Variants in DLGAP2 observed in about 807,000 individuals in gnomAD.
DLGAP2 encodes DLG associated protein 2.
Under a neutral mutation model 100.3 loss-of-function variants are expected in DLGAP2, and 26 were observed. The ratio of observed to expected loss-of-function variants is 0.26; its 90% CI spans 0.19 to 0.36. The LOEUF (loss-of-function observed/expected upper bound fraction) is 0.36, where lower values mean the gene tolerates loss of function less well. Ranked by LOEUF, DLGAP2 falls within the 10% of genes least tolerant of loss-of-function variation. The pLI is 1.00. For missense variants in DLGAP2, 1,858 were observed against 1,453.2 expected, an observed-to-expected ratio of 1.28 and a Z score of -4.53; for synonymous variants, 886 against 630.1, an observed-to-expected ratio of 1.41 and a Z score of -6.08.
intron 2 of DLGAP2, among the ~76,000 whole-genome samples, chr8:1,192,828 C>G (rs901675494): frequency 3.9e-5 from 6 of 151,964 alleles, no homozygotes; most frequent in African/African-American, 9.7e-5. Context: ...CCCACTCCCC[C>G]CACCCCACAA....
chr8:1,625,404 C>G (rs1212725198), intron 6 of DLGAP2, among the ~76,000 whole-genome samples: 3 of 152,198 alleles, frequency 2.0e-5, no homozygotes, highest in Non-Finnish European at 4.4e-5. Context: ...CAGGGTTCTT[C>G]CATGCTTTTA....
At chr8:1,279,510 T>C (rs1563058144) in intron 3 of DLGAP2, among the ~76,000 whole-genome samples, 2 of 152,228 alleles carry the variant, frequency 1.3e-5, no homozygotes, top group Non-Finnish European at 2.9e-5. Flanking sequence ...ATTGCAATTC[T>C]AGATGTATTA....
chr8:1,291,785 T>C (rs567486461), intron 3 of DLGAP2, among the ~76,000 whole-genome samples: 2 of 152,246 alleles, frequency 1.3e-5, no homozygotes, highest in South Asian at 4.1e-4. Context: ...GGGCCAGTTT[T>C]CATCATACGA....
intron 3 of DLGAP2, among the ~76,000 whole-genome samples, chr8:1,282,953 G>T (rs1298951800): frequency 3.5e-5 from 4 of 114,052 alleles, no homozygotes; most frequent in Admixed American, 1.0e-4. Context: ...TGAACCCAGC[G>T]CCCTGAACCA....
intron 6 of DLGAP2, among the ~76,000 whole-genome samples, chr8:1,583,236 C>T (rs1039103077): frequency 6.6e-6 from 1 of 152,214 alleles, no homozygotes; most frequent in Non-Finnish European, 1.5e-5. Context: ...CAAGCCTCTT[C>T]TCCCTCCCAT....
At chr8:820,259 A>G (rs999215259) in intron 1 of DLGAP2, among the ~76,000 whole-genome samples, 2 of 152,232 alleles carry the variant, frequency 1.3e-5, no homozygotes, top group Non-Finnish European at 2.9e-5. Context: ...GTCTAACAGA[A>G]AATTTAGTAC....
intron 8 of DLGAP2, among the ~76,000 whole-genome samples, chr8:1,660,766 C>T (rs17682226): frequency 0.16 from 24,592 of 152,172 alleles, 2,116 homozygotes; most frequent in South Asian, 0.27. Context: ...GCAGAGATGG[C>T]GTTTCAGATC....
chr8:1,144,271 G>A (rs539211748), intron 2 of DLGAP2, among the ~76,000 whole-genome samples: 6 of 152,254 alleles, frequency 3.9e-5, no homozygotes, highest in Middle Eastern at 3.2e-3. Flanking sequence ...TGGAGAAGGC[G>A]GTGGAGCATT....
Position 1,668,043 on chromosome 8 carries a change from C to T in DLGAP2, c.1811-286C>T, listed in dbSNP as rs139793838. Among the ~76,000 whole-genome samples the T allele has an allele frequency of 1.9e-4, 29 of 149,500 alleles. No individual in the cohort carries two copies. The East Asian group carries it at 2.2e-3, about 11-fold the overall frequency. ...GCTGTGTCTCTGCTGCTGGATTTGT[C>T]GGTATTTTTAAATGATGCCACGCCT... On this transcript the variant is annotated intron_variant, in intron 8 of 14. Coordinates refer to ENST00000637795, the MANE Select transcript of DLGAP2 (RefSeq NM_001346810.2).
In DLGAP2 at chr8:1,605,772, G is replaced by T. The variant is rs73671239; in HGVS notation, c.1443-20968G>T. On this transcript the variant is annotated intron_variant, in intron 6 of 14. Transcript: ENST00000637795. Reference sequence around the variant, plus strand: ...AAGCCAGCAGCTCCCCACTCTGGAAGTAAACTGTTGACTCATTTCCGTGTT... The same window carrying T: ...AAGCCAGCAGCTCCCCACTCTGGAATTAAACTGTTGACTCATTTCCGTGTT... Among the ~76,000 whole-genome samples, 468 of 152,326 alleles carry T rather than the reference G, an allele frequency of 3.1e-3. 3 individuals carry two copies. The highest frequency in any genetic ancestry group is 0.011 in the African/African-American group (452 of 41,576).
At chr8:790,422 G>T (rs1394700898) in intron 1 of DLGAP2, among the ~76,000 whole-genome samples, 2 of 152,198 alleles carry the variant, frequency 1.3e-5, no homozygotes, top group Admixed American at 6.5e-5. Context: ...GCAAGTGTGA[G>T]AAAATGTATT....
At chr8:1,216,038 C>G (rs920595166) in intron 2 of DLGAP2, among the ~76,000 whole-genome samples, 1 of 152,228 alleles carries the variant, frequency 6.6e-6, no homozygotes, top group Non-Finnish European at 1.5e-5. Context: ...TTGGGAGGAG[C>G]TTTCTGGTGC....
chr8:847,152 A>G (rs1797086030), intron 1 of DLGAP2, among the ~76,000 whole-genome samples: 1 of 152,184 alleles, frequency 6.6e-6, no homozygotes, highest in South Asian at 2.1e-4. Flanking sequence ...TGATTCAATA[A>G]CTGTTATGGT....
chr8:1,261,756 A>C (rs532324802), intron 3 of DLGAP2, among the ~76,000 whole-genome samples: 5 of 152,366 alleles, frequency 3.3e-5, no homozygotes, highest in African/African-American at 1.2e-4. Context: ...ATGAATATTC[A>C]TATATTTTTA....
chr8:1,323,105 A>G (rs1224389709), intron 3 of DLGAP2, among the ~76,000 whole-genome samples: 8 of 150,172 alleles, frequency 5.3e-5, no homozygotes, highest in Admixed American at 3.3e-4. Context: ...ATCTCGGTTC[A>G]TGCAACCTCC....
At position 1,156,665 on chromosome 8, in the gene DLGAP2, A is replaced by G. The variant is rs994570975; in HGVS notation, c.74-102186A>G. On this transcript the variant is annotated intron_variant, in intron 2 of 14. Transcript: ENST00000637795. ...GCTCAGCGCCCCAGCCCAGCGCCCC[A>G]GCTTAGCGTCCCAGCCCAGCACCCC... 1.1e-4 allele frequency among the ~76,000 whole-genome samples: 16 copies of G among 149,740 alleles called. No individual in the cohort carries two copies. The East Asian group carries it at 2.2e-3, about 20-fold the overall frequency.
chr8:1,622,044 A>G (rs1797357258), intron 6 of DLGAP2: 1 of 152,212 alleles, frequency 6.6e-6, no homozygotes, highest in African/African-American at 2.4e-5. Context: ...ATTAATTGTG[A>G]TATTATTTGA....
In DLGAP2 at chr8:1,549,401, C is replaced by A; in HGVS notation, c.948C>A (p.Asn316Lys). 6.2e-7 allele frequency: 1 copy of A among 1,613,464 alleles called. No individual in the cohort carries two copies. Residue 316 changes from asparagine to lysine, a missense_variant, in exon 5 of 15, where the codon AAC becomes AAA. Transcript: ENST00000637795. ...CCTATCGGACGCCCAGCGTGCTCAA[C>A]CGGCACCACCTGGGCCCCGTGGCCC... ...DSTYRTPSVL[N>K]RHHLGPVAHC...
intron 6 of DLGAP2, among the ~76,000 whole-genome samples, chr8:1,598,394 G>A (rs893499193): frequency 1.3e-5 from 2 of 152,170 alleles, no homozygotes; most frequent in African/African-American, 4.8e-5. Context: ...GAGTTAGAGA[G>A]GAGTCCGTCT....
Sources: gnomAD v4.1 joint callset for allele counts (sites outside exome capture counted in the v4.1 genomes callset) on GRCh38, gnomAD v4.1.1 for gene constraint, MANE v1.5 for transcripts, NCBI Gene and HGNC (gene_info 2026-07-23, HGNC 2026-07-21) for gene names.